FBXO41: variants seen among roughly 807,000 people sequenced by gnomAD.
FBXO41 encodes the protein F-box only protein 41.
Under a neutral mutation model 81.6 loss-of-function variants are expected in FBXO41, and 33 were observed. The ratio of observed to expected loss-of-function variants is 0.40; its 90% CI spans 0.31 to 0.54. FBXO41 has a LOEUF of 0.54. FBXO41 is among the 20% of genes least tolerant of loss of function. FBXO41 has a pLI of 0.39. For missense variants in FBXO41, 1,107 were observed against 1,236.0 expected (o/e 0.90, Z 1.56); for synonymous variants, 576 against 552.7 (o/e 1.04, Z -0.59).
rs901973718 is a variant in FBXO41, at chr2:73,265,650, G to A, written c.1206-10C>T. 4.0e-6 allele frequency: 6 copies of A among 1,498,192 alleles called. No homozygotes were observed. The African/African-American group carries it at 8.4e-5, about 21-fold the overall frequency. The allele number at this position is 1,498,192 out of a possible 1,614,324, so 92.8% of individuals were successfully genotyped here. The stretch of plus-strand genomic sequence containing the variant: ...CACACGGCTGGAGGCCCTGGGGCAG[G>A]GTGGACCACACAGTAAGGGGTAAGA... On this transcript the variant is annotated splice_polypyrimidine_tract_variant and intron_variant, in intron 4 of 12. Coordinates refer to ENST00000520530, the MANE Select transcript of FBXO41 (RefSeq NM_001371389.2).
Position 73,269,217 on chromosome 2 carries a change from C to G in FBXO41, c.414G>C (p.Val138=), listed in dbSNP as rs1436452822. 6.6e-7 allele frequency: 1 copy of G among 1,524,830 alleles called. No individual in the cohort carries two copies. The highest frequency in any genetic ancestry group is 8.8e-7 in the Non-Finnish European group (1 of 1,137,846). 94.5% of individuals were successfully genotyped at this position (1,524,830 alleles called of 1,614,324 possible). ...PCEELAEPGL[V]PAAAARYALR... ...GCGCATAGCGCGCTGCTGCGGCGGG[C>G]ACAAGGCCCGGCTCGGCCAACTCCT... Residue 138 remains valine, a synonymous_variant, in exon 2 of 13, where the codon GTG becomes GTC. Coordinates refer to ENST00000520530, the MANE Select transcript of FBXO41 (RefSeq NM_001371389.2). The surrounding 1 kb of genome is among the most constrained non-coding windows in gnomAD (Gnocchi z 7.0).
intron 1 of FBXO41, among the ~76,000 whole-genome samples, chr2:73,283,178 C>T (rs1262172315): frequency 6.6e-6 from 1 of 152,178 alleles, no homozygotes; most frequent in Non-Finnish European, 1.5e-5. Context: ...CTATTAGGCC[C>T]CTGTGGGTGG....
chr2:73,275,040 C>T (rs2103904929), intron 1 of FBXO41, among the ~76,000 whole-genome samples: 1 of 152,086 alleles, frequency 6.6e-6, no homozygotes, highest in Non-Finnish European at 1.5e-5. Flanking sequence ...CAGGCGCCTG[C>T]CACCATGCCC....
Position 73,269,426 on chromosome 2 carries a change from C to T in FBXO41, c.205G>A (p.Glu69Lys), listed in dbSNP as rs907100179. 9.6e-6 allele frequency: 13 copies of T among 1,351,108 alleles called. No individual in the cohort carries two copies. Among genetic ancestry groups the T allele is most frequent in the African/African-American group, 6.1e-5 (4 of 65,226 alleles). 83.7% of individuals were successfully genotyped at this position (1,351,108 alleles called of 1,614,324 possible). The change falls in exon 2 of 13, where the codon GAG becomes AAG. Residue 69 changes from glutamate to lysine, a missense_variant. Transcript: ENST00000520530. The surrounding 1 kb of genome is among the most constrained non-coding windows in gnomAD (Gnocchi z 7.0). Reference protein sequence around the residue: ...AAASGFPLAPEPAALLAVPGA... With the variant: ...AAASGFPLAPKPAALLAVPGA... ...GGCACGGCCAGCAGGGCGGCGGGCT[C>T]GGGAGCCAGCGGGAACCCCGAGGCA...
At position 73,263,683 on chromosome 2, in the gene FBXO41, C is replaced by T. The variant is rs185469051; in HGVS notation, c.2070G>A (p.Thr690=). ...CTTCTAGTCGGTTGACCCACCTGTACGTGACAGCCTGCAGGGCACGGCAGT... is the reference window on the plus strand; with the variant it reads ...CTTCTAGTCGGTTGACCCACCTGTATGTGACAGCCTGCAGGGCACGGCAGT... The part of the protein sequence containing the change: ...SCYCRALQAV[T]YRSATDPVGH... The change falls in exon 8 of 13, where the codon ACG becomes ACA. Residue 690 remains threonine, a synonymous_variant. Coordinates refer to ENST00000520530, the MANE Select transcript of FBXO41 (RefSeq NM_001371389.2). 442 of 1,613,246 alleles carry T rather than the reference C, an allele frequency of 2.7e-4. 3 individuals carry two copies. The African/African-American group carries it at 4.7e-3, about 17-fold the overall frequency.
intron 5 of FBXO41, among the ~76,000 whole-genome samples, chr2:73,264,870 G>A (rs1688176405): frequency 6.6e-6 from 1 of 152,088 alleles, no homozygotes; most frequent in African/African-American, 2.4e-5. Context: ...AGGCAGGCAT[G>A]GGGCTGCCCA....
At position 73,263,668 on chromosome 2, in the gene FBXO41, G is replaced by A. The variant is rs759671381; in HGVS notation, c.2075+10C>T. 2.5e-6 allele frequency: 4 copies of A among 1,612,646 alleles called. No individual in the cohort carries two copies. Among genetic ancestry groups the A allele is most frequent in the Non-Finnish European group, 3.4e-6 (4 of 1,179,854 alleles). ...AGGGAACAGGCCATGCTTCTAGTCG[G>A]TTGACCCACCTGTACGTGACAGCCT... On this transcript the variant is annotated intron_variant, in intron 8 of 12. Transcript: ENST00000520530.
rs2103831736 is a variant in FBXO41 at position 73,255,953 on chromosome 2, C to G, written c.*3029G>C. 6.6e-6 allele frequency: 1 copy of G among 152,404 alleles called. No homozygotes were observed. Among genetic ancestry groups the G allele is most frequent in the African/African-American group, 2.4e-5 (1 of 41,560 alleles). 9.4% of individuals were successfully genotyped at this position (152,404 alleles called of 1,614,324 possible). On this transcript the variant is annotated 3_prime_UTR_variant, in exon 13 of 13. Transcript: ENST00000520530. ...CTGTGGTGCTGGGCTGGGCAGGCCA[C>G]CCACTCTTTATTCCTGCAGGGATGC...
At position 73,260,849 on chromosome 2, in the gene FBXO41, G is replaced by A; in HGVS notation, c.2181C>T (p.Pro727=). The A allele has an allele frequency of 6.4e-7, 1 of 1,560,322 alleles. No homozygotes were observed. The highest frequency in any genetic ancestry group is 8.7e-7 in the Non-Finnish European group (1 of 1,150,950). Residue 727 remains proline, a synonymous_variant, in exon 10 of 13, where the codon CCC becomes CCT. Transcript: ENST00000520530. This position sits in a 1 kb window ranked among gnomAD's most constrained non-coding sequence, Gnocchi z 5.0. ...QVAPLHPCQQ[P]TRFSNRCLQM... ...GCAGGCAGCGGTTACTGAAGCGTGTGGGCTGCTGGCTGGAGAATGGGAAGG... is the reference window on the plus strand; with the variant it reads ...GCAGGCAGCGGTTACTGAAGCGTGTAGGCTGCTGGCTGGAGAATGGGAAGG...
intron 4 of FBXO41, 43 bp downstream of exon 4, chr2:73,265,850 G>A (rs1426202777): frequency 1.9e-6 from 3 of 1,552,000 alleles, no homozygotes; most frequent in East Asian, 2.4e-5. Context: ...ATCCTTCCAG[G>A]GTGAGGGTGG....
chr2:73,260,286 G>GA lies in FBXO41; in HGVS notation c.2449+102_2449+103insT. Reference sequence around the variant, plus strand: ...TGTCCCCCTGCCTCTGCCCTTGGCTGGAGACTCTGATCCATCTGCCCCAGT... The same window carrying GA: ...TGTCCCCCTGCCTCTGCCCTTGGCTGAGAGACTCTGATCCATCTGCCCCAGT... On this transcript the variant is annotated intron_variant, in intron 11 of 12. Transcript: ENST00000520530. The surrounding 1 kb of genome is among the most constrained non-coding windows in gnomAD (Gnocchi z 5.0). 4.2e-6 allele frequency: 6 copies of GA among 1,442,146 alleles called. No homozygotes were observed. The highest frequency in any genetic ancestry group is 5.6e-6 in the Non-Finnish European group (6 of 1,066,218). The allele number at this position is 1,442,146 out of a possible 1,614,324, so 89.3% of individuals were successfully genotyped here.
rs1044473837 is a variant in FBXO41 at position 73,266,847 on chromosome 2, G to A, written c.906-165C>T. The A allele has an allele frequency of 1.1e-5, 12 of 1,110,210 alleles. No individual in the cohort carries two copies. The highest frequency in any genetic ancestry group is 3.2e-5 in the East Asian group (1 of 31,400). 68.8% of individuals were successfully genotyped at this position (1,110,210 alleles called of 1,614,324 possible). A position where few individuals can be genotyped will look rare whatever the true frequency, so the allele number is the denominator to read the frequency against. On this transcript the variant is annotated intron_variant, in intron 2 of 12. Transcript: ENST00000520530. The surrounding 1 kb of genome is among the most constrained non-coding windows in gnomAD (Gnocchi z 5.3). ...ACAGGCCTAGCACACAGCCCCGCAC[G>A]ATGACACATACAGAAATGCATGCAT...
rs1259964896 is a variant in FBXO41, at chr2:73,259,094, G to T, written c.2566-50C>A. Reference sequence around the variant, plus strand: ...TCTCCCTCCGTGCCAGGCAGGTGGGGCCCTCCTGCCACACTCACCCAGGTC... The same window carrying T: ...TCTCCCTCCGTGCCAGGCAGGTGGGTCCCTCCTGCCACACTCACCCAGGTC... On this transcript the variant is annotated intron_variant, in intron 12 of 12. Transcript: ENST00000520530. The surrounding 1 kb of genome is among the most constrained non-coding windows in gnomAD (Gnocchi z 4.2). 1 of 1,605,742 alleles carries T rather than the reference G, an allele frequency of 6.2e-7. No homozygotes were observed. The highest frequency in any genetic ancestry group is 8.5e-7 in the Non-Finnish European group (1 of 1,174,618).
rs1004473033 is a variant in FBXO41, at chr2:73,284,440, A to G, written c.-419T>C. On this transcript the variant is annotated 5_prime_UTR_variant, in exon 1 of 13. Transcript: ENST00000520530. The surrounding 1 kb of genome is among the most constrained non-coding windows in gnomAD (Gnocchi z 7.4). ...GGGGGAGGAGGGGGCGCGCGGGCCG[A>G]GGAAAGCAAGGGAAGGGGGAGGGAG... 6.6e-6 allele frequency: 1 copy of G among 151,736 alleles called. No homozygotes were observed. The highest frequency in any genetic ancestry group is 2.0e-4 in the East Asian group (1 of 5,094). 9.4% of individuals were successfully genotyped at this position (151,736 alleles called of 1,614,324 possible). A position where few individuals can be genotyped will look rare whatever the true frequency, so the allele number is the denominator to read the frequency against.
At chr2:73,275,707 CA>C (rs1345454725) in intron 1 of FBXO41, among the ~76,000 whole-genome samples, 1 of 152,164 alleles carries the variant, frequency 6.6e-6, no homozygotes, top group Non-Finnish European at 1.5e-5. Flanking sequence ...GCCCTGTCCC[CA>C]CTATTGGATA....
intron 1 of FBXO41, among the ~76,000 whole-genome samples, chr2:73,278,997 T>C (rs1688775346): frequency 6.6e-6 from 1 of 152,144 alleles, no homozygotes; most frequent in Non-Finnish European, 1.5e-5. Context: ...ATTTACAGTT[T>C]AGAGAACAAA....
rs1319425782 is a variant in FBXO41 at position 73,284,199 on chromosome 2, G to A, written c.-178C>T. ...GGCGAGGCCAGGCCCAGCGGCCCAG[G>A]GCTGGGGACGCAGAAGAGCCCCCGC... is the stretch of plus-strand genomic sequence containing the variant. On this transcript the variant is annotated 5_prime_UTR_variant, in exon 1 of 13. Coordinates refer to ENST00000520530, the MANE Select transcript of FBXO41 (RefSeq NM_001371389.2). This position sits in a 1 kb window ranked among gnomAD's most constrained non-coding sequence, Gnocchi z 7.4. 1 of 152,308 alleles carries A rather than the reference G, an allele frequency of 6.6e-6. No individual in the cohort carries two copies. Among genetic ancestry groups the A allele is most frequent in the Non-Finnish European group, 1.5e-5 (1 of 68,184 alleles). 9.4% of individuals were successfully genotyped at this position (152,308 alleles called of 1,614,324 possible).
chr2:73,280,034 G>A (rs181683660), intron 1 of FBXO41, among the ~76,000 whole-genome samples: 13 of 152,016 alleles, frequency 8.6e-5, no homozygotes, highest in Non-Finnish European at 1.6e-4. Flanking sequence ...CCCAACACCC[G>A]CCTTCAAACA....
chr2:73,278,708 T>C (rs1688761016), intron 1 of FBXO41, among the ~76,000 whole-genome samples: 1 of 152,222 alleles, frequency 6.6e-6, no homozygotes, highest in African/African-American at 2.4e-5. Flanking sequence ...AAGCTGACTC[T>C]TGAAGAGCAA....
Sources: allele counts gnomAD v4.1 joint callset (sites outside exome capture counted in the v4.1 genomes callset), GRCh38; gene constraint gnomAD v4.1.1; non-coding constraint Gnocchi (gnomAD v3.1); transcripts MANE v1.5; gene names NCBI Gene and HGNC (gene_info 2026-07-23, HGNC 2026-07-21).